The following C2orf76 variants were observed in gnomAD, a reference collection of about 807,000 sequenced individuals.
C2orf76 encodes the protein chromosome 2 open reading frame 76, also known as UPF0538 protein C2orf76.
In C2orf76, 23 loss-of-function variants were observed where a neutral mutation model predicts 16.9. The observed-to-expected ratio is 1.36, with a 90% confidence interval of 0.98 to 1.93. The LOEUF is 1.93. C2orf76 is among the 30% of genes most tolerant of loss of function. The pLI is 0.00. For synonymous variants in C2orf76, 48 were observed against 52.3 expected, an observed-to-expected ratio of 0.92 and a Z score of 0.35; for missense variants, 152 against 152.6, an observed-to-expected ratio of 1.00 and a Z score of 0.02.
chr2:119,311,726 G>T (rs1408252151), intron 4 of C2orf76, 23 bp from the exon 5 acceptor site: 1 of 1,577,748 alleles, frequency 6.3e-7, no homozygotes, highest in South Asian at 1.1e-5. Context: ...AAGAAAATCT[G>T]CATTTTATCA....
At chr2:119,347,989 T>G (rs78689420) in intron 1 of C2orf76, among the ~76,000 whole-genome samples, 1,673 of 143,668 alleles carry the variant, frequency 0.012, 28 homozygotes, top group Non-Finnish European at 0.017. Context: ...CAGTGAGCTA[T>G]GTACTGTGCT....
intron 2 of C2orf76, among the ~76,000 whole-genome samples, chr2:119,333,386 T>C (rs114141342): frequency 0.015 from 2,236 of 152,346 alleles, 59 homozygotes; most frequent in African/African-American, 0.048. Context: ...GGTCTCAATG[T>C]TGATCACTCC....
intron 2 of C2orf76, among the ~76,000 whole-genome samples, chr2:119,329,561 A>G (rs1679609684): frequency 6.6e-6 from 1 of 151,868 alleles, no homozygotes; most frequent in South Asian, 2.1e-4. Flanking sequence ...CTCTTTTTCT[A>G]TCTTCTTTTG....
intron 1 of C2orf76, among the ~76,000 whole-genome samples, chr2:119,353,230 T>C (rs1201882437): frequency 6.6e-6 from 1 of 152,162 alleles, no homozygotes; most frequent in Non-Finnish European, 1.5e-5. Context: ...ATTATCCTTC[T>C]TAAAAAGATG....
chr2:119,306,478 C>T (rs1056694376), intron 5 of C2orf76, among the ~76,000 whole-genome samples: 7 of 152,064 alleles, frequency 4.6e-5, no homozygotes, highest in Admixed American at 2.6e-4. Flanking sequence ...AGAGTTTGGC[C>T]GCTGTATCTT....
At chr2:119,362,551 C>T (rs1680777706) in intron 1 of C2orf76, among the ~76,000 whole-genome samples, 1 of 152,172 alleles carries the variant, frequency 6.6e-6, no homozygotes, top group Non-Finnish European at 1.5e-5. Context: ...GAATATATAA[C>T]ACATTTTTAT....
At chr2:119,324,735 T>G (rs1458770809) in intron 2 of C2orf76, among the ~76,000 whole-genome samples, 1 of 152,142 alleles carries the variant, frequency 6.6e-6, no homozygotes, top group Non-Finnish European at 1.5e-5. Context: ...ACTCCCCTCC[T>G]GCAGCACTGA....
intron 1 of C2orf76, among the ~76,000 whole-genome samples, chr2:119,343,746 C>T (rs1380316178): frequency 6.6e-6 from 1 of 152,172 alleles, no homozygotes; most frequent in Non-Finnish European, 1.5e-5. Context: ...CGCCACTGCA[C>T]TCCAGCCTGG....
At chr2:119,290,029 T>C in the C2orf76 span, among the ~76,000 whole-genome samples, 2 of 152,112 alleles carry the variant, frequency 1.3e-5, no homozygotes, top group Admixed American at 6.6e-5. Flanking sequence ...CCTAATTATG[T>C]GTGAGAACAT....
chr2:119,293,463 C>T, the C2orf76 span, among the ~76,000 whole-genome samples: 1 of 152,224 alleles, frequency 6.6e-6, no homozygotes, highest in East Asian at 1.9e-4. Context: ...GGCCAAGGTT[C>T]TTTCTCTGAG....
chr2:119,350,787 T>A (rs1680378312), intron 1 of C2orf76, among the ~76,000 whole-genome samples: 1 of 152,188 alleles, frequency 6.6e-6, no homozygotes, highest in African/African-American at 2.4e-5. Context: ...ACTTGCCCAG[T>A]GGTTCCCCTT....
At chr2:119,311,519 G>A in intron 5 of C2orf76, 103 bp downstream of exon 5, 1 of 1,486,972 alleles carries the variant, frequency 6.7e-7, no homozygotes, top group Non-Finnish European at 8.9e-7. Context: ...GGGGGACCAA[G>A]GACAGCATTT....
the C2orf76 span, among the ~76,000 whole-genome samples, chr2:119,290,154 C>T: frequency 6.6e-6 from 1 of 151,654 alleles, no homozygotes; most frequent in South Asian, 2.1e-4. Context: ...TACAGGCTCA[C>T]ATATGCCCAA....
At chr2:119,282,522 G>A in the C2orf76 span, among the ~76,000 whole-genome samples, 24 of 152,270 alleles carry the variant, frequency 1.6e-4, 1 homozygote, top group Admixed American at 5.2e-4. Context: ...CACTTGAGAC[G>A]CCTGGCTGGA....
At chr2:119,342,545 G>T (rs1680066105) in intron 1 of C2orf76, among the ~76,000 whole-genome samples, 1 of 151,870 alleles carries the variant, frequency 6.6e-6, no homozygotes, top group Non-Finnish European at 1.5e-5. Flanking sequence ...CCAGGAGACG[G>T]AGGTTGCAGT....
intron 2 of C2orf76, among the ~76,000 whole-genome samples, chr2:119,329,966 TGAA>T (rs143203725): frequency 0.019 from 2,850 of 152,348 alleles, 36 homozygotes; most frequent in South Asian, 0.053. Flanking sequence ...TCCTTATGCC[TGAA>T]GAAGGTCTTC....
chr2:119,364,039 G>GAGAC (rs57921997), intron 1 of C2orf76, among the ~76,000 whole-genome samples: 13,686 of 147,576 alleles, frequency 0.093, 857 homozygotes, highest in African/African-American at 0.18. Flanking sequence ...GAGAGAGAGA[G>GAGAC]AGACAGACAG....
chr2:119,331,384 A>G (rs1679673143), intron 2 of C2orf76, among the ~76,000 whole-genome samples: 1 of 152,092 alleles, frequency 6.6e-6, no homozygotes, highest in South Asian at 2.1e-4. Flanking sequence ...GCCCTGTAGG[A>G]GCTCCGAGCA....
At chr2:119,282,131 G>C in the C2orf76 span, among the ~76,000 whole-genome samples, 1,577 of 150,300 alleles carry the variant, frequency 0.01, 23 homozygotes, top group African/African-American at 0.036. Flanking sequence ...GGGCAACAGA[G>C]CCAGACTCCG....
Sources: gnomAD v4.1 joint callset for allele counts (sites outside exome capture counted in the v4.1 genomes callset) on GRCh38, gnomAD v4.1.1 for gene constraint, MANE v1.5 for transcripts, NCBI Gene and HGNC (gene_info 2026-07-23, HGNC 2026-07-21) for gene names.